Variants in SLC35F3 observed in about 807,000 individuals in gnomAD.
SLC35F3 encodes solute carrier family 35 member F3.
A neutral mutation model predicts 49.9 loss-of-function variants in SLC35F3; 25 were observed. The ratio of observed to expected loss-of-function variants is 0.50; its 90% CI spans 0.37 to 0.70. SLC35F3 has a LOEUF of 0.70. Ranked by LOEUF, SLC35F3 falls within the 30% of genes least tolerant of loss-of-function variation. SLC35F3 has a pLI of 0.00. For synonymous variants in SLC35F3, 275 were observed against 265.4 expected (o/e 1.04, Z -0.35); for missense variants, 525 against 639.8 (o/e 0.82, Z 1.94).
chr1:234,202,530 G>A (rs756298596), intron 2 of SLC35F3, among the ~76,000 whole-genome samples: 8 of 152,196 alleles, frequency 5.3e-5, no homozygotes, highest in Non-Finnish European at 1.0e-4. Context: ...TAACCAGTGC[G>A]CCCTGAGGCT....
intron 2 of SLC35F3, among the ~76,000 whole-genome samples, chr1:233,909,861 A>G (rs1410341312): frequency 6.6e-6 from 1 of 152,206 alleles, no homozygotes; most frequent in Non-Finnish European, 1.5e-5. Context: ...TTATGCTGCA[A>G]TAGAACTCTC....
At chr1:234,207,574 TA>T (rs1424125287) in intron 2 of SLC35F3, among the ~76,000 whole-genome samples, 2 of 151,224 alleles carry the variant, frequency 1.3e-5, no homozygotes, top group African/African-American at 4.9e-5. Context: ...CCCCAAATTT[TA>T]AAGGCTAACA....
intron 3 of SLC35F3, among the ~76,000 whole-genome samples, chr1:234,240,780 T>C (rs577586521): frequency 1.3e-5 from 2 of 152,162 alleles, no homozygotes; most frequent in Non-Finnish European, 2.9e-5. Flanking sequence ...ATTAACCAGG[T>C]AGCTGATTTG....
chr1:234,204,521 G>T (rs1666944233), intron 2 of SLC35F3, among the ~76,000 whole-genome samples: 3 of 152,130 alleles, frequency 2.0e-5, no homozygotes, highest in Admixed American at 2.0e-4. Flanking sequence ...CACCTCAGAT[G>T]CACCCCTGGA....
intron 2 of SLC35F3, among the ~76,000 whole-genome samples, chr1:233,996,524 CAG>C (rs1469721713): frequency 6.8e-5 from 10 of 146,676 alleles, no homozygotes; most frequent in Non-Finnish European, 1.5e-4. Context: ...GAGACATCCT[CAG>C]GGGAGGATGA....
chr1:234,047,848 C>T (rs902828713), intron 2 of SLC35F3, among the ~76,000 whole-genome samples: 2 of 151,996 alleles, frequency 1.3e-5, no homozygotes, highest in African/African-American at 4.8e-5. Context: ...TGGATGTTAA[C>T]GATGATTCTG....
intron 2 of SLC35F3, among the ~76,000 whole-genome samples, chr1:234,045,474 G>T (rs1664275571): frequency 6.6e-6 from 1 of 152,114 alleles, no homozygotes; most frequent in African/African-American, 2.4e-5. Flanking sequence ...TCCTTGCTTT[G>T]CAGGTGAAGA....
chr1:234,017,620 A>G (rs1663823371), intron 2 of SLC35F3, among the ~76,000 whole-genome samples: 1 of 148,334 alleles, frequency 6.7e-6, no homozygotes, highest in African/African-American at 2.5e-5. Flanking sequence ...AGGCTGAGGC[A>G]GGAGAATGGC....
chr1:234,208,872 G>C (rs913831655), intron 2 of SLC35F3, among the ~76,000 whole-genome samples: 1 of 152,300 alleles, frequency 6.6e-6, no homozygotes, highest in East Asian at 1.9e-4. Context: ...ACAAACAAGA[G>C]AGTGGGGCTA....
chr1:233,979,870 G>A (rs1663151913), intron 2 of SLC35F3, among the ~76,000 whole-genome samples: 1 of 152,190 alleles, frequency 6.6e-6, no homozygotes, highest in African/African-American at 2.4e-5. Flanking sequence ...ATAGGTGAGG[G>A]AGCCCGTGGT....
At chr1:233,928,163 TG>T (rs1662189642) in intron 2 of SLC35F3, among the ~76,000 whole-genome samples, 1 of 152,072 alleles carries the variant, frequency 6.6e-6, no homozygotes. Flanking sequence ...CAATAAACAA[TG>T]GGCAGCAGTA....
chr1:234,078,906 A>T (rs1214277652), intron 2 of SLC35F3, among the ~76,000 whole-genome samples: 1 of 152,208 alleles, frequency 6.6e-6, no homozygotes, highest in African/African-American at 2.4e-5. Context: ...CCACACTGTG[A>T]TCTGCAAAGA....
intron 3 of SLC35F3, among the ~76,000 whole-genome samples, chr1:234,304,799 G>A (rs1043798514): frequency 1.3e-5 from 2 of 151,850 alleles, no homozygotes; most frequent in African/African-American, 4.8e-5. Flanking sequence ...ATTAAATGTA[G>A]GATACCAATA....
intron 2 of SLC35F3, among the ~76,000 whole-genome samples, chr1:234,000,029 G>C (rs899363691): frequency 6.6e-6 from 1 of 152,112 alleles, no homozygotes; most frequent in Non-Finnish European, 1.5e-5. Context: ...GCCCTTTAAA[G>C]GGCTATATAA....
intron 2 of SLC35F3, among the ~76,000 whole-genome samples, chr1:234,025,742 T>C (rs1054458468): frequency 6.6e-6 from 1 of 152,152 alleles, no homozygotes; most frequent in Non-Finnish European, 1.5e-5. Context: ...CATTTGTAAA[T>C]ATTTTCTCCA....
At chr1:233,931,703 A>G (rs1309617908) in intron 2 of SLC35F3, among the ~76,000 whole-genome samples, 2 of 152,220 alleles carry the variant, frequency 1.3e-5, no homozygotes, top group Non-Finnish European at 2.9e-5. Context: ...TGGGACTGTA[A>G]ACTAGTTCAA....
chr1:234,145,073 A>G (rs1195704710), intron 2 of SLC35F3, among the ~76,000 whole-genome samples: 1 of 152,242 alleles, frequency 6.6e-6, no homozygotes, highest in African/African-American at 2.4e-5. Flanking sequence ...AATATTAAAC[A>G]GCGCAAGGCT....
chr1:233,932,313 G>A (rs1225757864), intron 2 of SLC35F3, among the ~76,000 whole-genome samples: 1 of 152,072 alleles, frequency 6.6e-6, no homozygotes, highest in African/African-American at 2.4e-5. Context: ...GAAGGGGTTG[G>A]TCTTGCTGTC....
At chr1:234,277,613 C>T (rs17575121) in intron 3 of SLC35F3, among the ~76,000 whole-genome samples, 24,785 of 152,192 alleles carry the variant, frequency 0.16, 2,414 homozygotes, top group Non-Finnish European at 0.19. Flanking sequence ...GAAATGCTAA[C>T]TGAACTTTAC....
Sources: gnomAD v4.1 joint callset for allele counts (sites outside exome capture counted in the v4.1 genomes callset) on GRCh38, gnomAD v4.1.1 for gene constraint, MANE v1.5 for transcripts, NCBI Gene and HGNC (gene_info 2026-07-23, HGNC 2026-07-21) for gene names.